The following PCSK6 variants were observed in gnomAD, a reference collection of about 807,000 sequenced individuals.
PCSK6 encodes proprotein convertase subtilisin/kexin type 6.
PCSK6 carries 85 observed loss-of-function variants against 123.3 expected under a neutral mutation model. The ratio of observed to expected loss-of-function variants is 0.69; its 90% CI spans 0.58 to 0.83. The LOEUF is 0.83. Among genes scored for constraint, PCSK6 ranks in the 40% least tolerant of loss-of-function variants. The pLI is 0.00. For synonymous variants in PCSK6, 508 were observed against 516.0 expected (o/e 0.98, Z 0.21); for missense variants, 1,191 against 1,282.3 (o/e 0.93, Z 1.09).
At position 101,347,077 on chromosome 15, in the gene PCSK6, A is replaced by C. The variant is rs2040753008; in HGVS notation, c.1859-15046T>G. On this transcript the variant is annotated intron_variant, in intron 13 of 21. Transcript: ENST00000611716. ...TGGTGACTGTTTGGAGAGTGTGCCA[A>C]GTTCTTCAGCTCTGTTTCCAAGGAA... is the stretch of plus-strand genomic sequence containing the variant. 9 of 1,231,634 alleles carry C rather than the reference A, an allele frequency of 7.3e-6. No homozygotes were observed. In the South Asian group the frequency reaches 3.7e-4, roughly 51 times the overall value. The allele number at this position is 1,231,634 out of a possible 1,614,324, so 76.3% of individuals were successfully genotyped here.
At chr15:101,403,544 C>T (rs945555608) in intron 6 of PCSK6, among the ~76,000 whole-genome samples, 16 of 151,938 alleles carry the variant, frequency 1.1e-4, no homozygotes, top group South Asian at 2.1e-4. Flanking sequence ...GTCACATACA[C>T]GTTAGTTATA....
intron 8 of PCSK6, among the ~76,000 whole-genome samples, chr15:101,390,728 G>A (rs1383670840): frequency 2.0e-5 from 3 of 152,204 alleles, no homozygotes; most frequent in Non-Finnish European, 4.4e-5. Flanking sequence ...GATTCTCCCG[G>A]GAGCCTCCGG....
At chr15:101,333,926 G>A (rs1460545338) in intron 13 of PCSK6, among the ~76,000 whole-genome samples, 1 of 152,176 alleles carries the variant, frequency 6.6e-6, no homozygotes, top group Non-Finnish European at 1.5e-5. Flanking sequence ...GCCTCAACTG[G>A]CTAAGTACTA....
chr15:101,459,100 G>C (rs1340641857), intron 1 of PCSK6, among the ~76,000 whole-genome samples: 1 of 152,102 alleles, frequency 6.6e-6, no homozygotes, highest in African/African-American at 2.4e-5. Context: ...TCCTCTCCCA[G>C]CCTCACTGCT....
chr15:101,359,564 C>A lies in PCSK6; in HGVS notation c.1858+6632G>T, dbSNP rs541701396. On this transcript the variant is annotated intron_variant, in intron 13 of 21. Transcript: ENST00000611716. ...GGAGGCTCTCAGGGCACAGCAGGAC[C>A]GGAAGGAAGGAAGGCTGCAGATGGC... Among the ~76,000 whole-genome samples the A allele has an allele frequency of 2.0e-5, 3 of 152,352 alleles. No individual in the cohort carries two copies. In the East Asian group the frequency reaches 5.8e-4, roughly 29 times the overall value.
chr15:101,347,406 A>T (rs2040762993), intron 13 of PCSK6: 1 of 1,237,032 alleles, frequency 8.1e-7, no homozygotes, highest in Non-Finnish European at 1.0e-6. Flanking sequence ...AATTCATGGA[A>T]CTTTTTAGGA....
At chr15:101,447,817 T>C (rs376939023) in intron 1 of PCSK6, among the ~76,000 whole-genome samples, 4 of 152,352 alleles carry the variant, frequency 2.6e-5, no homozygotes, top group East Asian at 3.9e-4. Flanking sequence ...GCTCATCGAC[T>C]ACGCACCGCT....
At chr15:101,319,869 C>A (rs1217190639) in intron 18 of PCSK6, among the ~76,000 whole-genome samples, 1 of 152,142 alleles carries the variant, frequency 6.6e-6, no homozygotes, top group Admixed American at 6.6e-5. Flanking sequence ...AATAAATGGG[C>A]ACATGTAAGT....
At chr15:101,437,622 G>A (rs1255293833) in intron 2 of PCSK6, among the ~76,000 whole-genome samples, 1 of 152,196 alleles carries the variant, frequency 6.6e-6, no homozygotes, top group Non-Finnish European at 1.5e-5. Flanking sequence ...GAAGACCCCT[G>A]CTTAACAGTC....
At chr15:101,322,706 G>A (rs546906190) in intron 17 of PCSK6, 99 bp from the exon 18 acceptor site, 9 of 756,918 alleles carry the variant, frequency 1.2e-5, no homozygotes, top group African/African-American at 1.0e-4. Context: ...GGGGGTGCGG[G>A]TGGGCTGTTC....
rs747604103 is a variant in PCSK6, at chr15:101,305,359, G to C, written c.2813-4C>G. The stretch of plus-strand genomic sequence containing the variant: ...ATCTCGCAGAATGTCTCGTCAGCTG[G>C]GGCCCCGCATCAGGAAAGGCAAAAG... On this transcript the variant is annotated splice_polypyrimidine_tract_variant and splice_region_variant and intron_variant, in intron 21 of 21. Coordinates refer to ENST00000611716, the MANE Select transcript of PCSK6 (RefSeq NM_002570.5). This position sits in a 1 kb window ranked among gnomAD's most constrained non-coding sequence, Gnocchi z 4.8. 12 of 1,610,864 alleles carry C rather than the reference G, an allele frequency of 7.4e-6. No homozygotes were observed. The Admixed American group carries it at 1.8e-4, about 25-fold the overall frequency.
At chr15:101,362,691 G>A (rs976313680) in intron 13 of PCSK6, among the ~76,000 whole-genome samples, 11 of 152,128 alleles carry the variant, frequency 7.2e-5, no homozygotes, top group African/African-American at 1.4e-4. Context: ...TCATCCCACC[G>A]CAACCCAGTA....
chr15:101,397,201 G>GA (rs2042438916), intron 7 of PCSK6, among the ~76,000 whole-genome samples: 1 of 152,156 alleles, frequency 6.6e-6, no homozygotes, highest in Non-Finnish European at 1.5e-5. Flanking sequence ...GAAATTAACA[G>GA]ATGGTGACCA....
intron 6 of PCSK6, among the ~76,000 whole-genome samples, chr15:101,419,403 A>G (rs564316026): frequency 1.3e-5 from 2 of 152,182 alleles, no homozygotes; most frequent in Non-Finnish European, 2.9e-5. Context: ...ACTTTAAAAA[A>G]CAATGTAAAA....
chr15:101,480,368 G>A (rs952171315), intron 1 of PCSK6, among the ~76,000 whole-genome samples: 1 of 152,254 alleles, frequency 6.6e-6, no homozygotes, highest in Non-Finnish European at 1.5e-5. Context: ...GGGCCCTGTG[G>A]AGCGCAGCTT....
chr15:101,396,049 G>A (rs995836336), intron 7 of PCSK6, among the ~76,000 whole-genome samples: 2 of 152,140 alleles, frequency 1.3e-5, no homozygotes, highest in Non-Finnish European at 2.9e-5. Context: ...GGGGGAATGT[G>A]GTTTGGTTTG....
chr15:101,343,434 G>C (rs1267659649), intron 13 of PCSK6, among the ~76,000 whole-genome samples: 3 of 151,806 alleles, frequency 2.0e-5, no homozygotes, highest in African/African-American at 4.8e-5. Context: ...TGGATGCTTA[G>C]CACATTAATT....
chr15:101,318,548 T>A, intron 18 of PCSK6, 126 bp from the exon 19 acceptor site: 1 of 804,704 alleles, frequency 1.2e-6, no homozygotes, highest in Non-Finnish European at 2.0e-6. Context: ...CACCGAAAGT[T>A]CTCAGCTAAG....
At chr15:101,368,903 C>A (rs1481191074) in intron 12 of PCSK6, among the ~76,000 whole-genome samples, 6 of 152,210 alleles carry the variant, frequency 3.9e-5, no homozygotes, top group African/African-American at 1.4e-4. Context: ...CCACGGGGAG[C>A]AACATAGCAT....
Sources: gnomAD v4.1 joint callset for allele counts (sites outside exome capture counted in the v4.1 genomes callset) on GRCh38, gnomAD v4.1.1 for gene constraint, Gnocchi (gnomAD v3.1) non-coding constraint, MANE v1.5 for transcripts, NCBI Gene and HGNC (gene_info 2026-07-23, HGNC 2026-07-21) for gene names.